The following ARHGEF3 variants were observed in gnomAD, a reference collection of about 807,000 sequenced individuals.
The protein encoded by ARHGEF3 is 59.8 kDA protein.
In ARHGEF3, 28 loss-of-function variants were observed where a neutral mutation model predicts 63.2. The observed-to-expected ratio is 0.44, with a 90% CI of 0.33 to 0.61. The LOEUF (loss-of-function observed/expected upper bound fraction) is 0.61, where lower values mean the gene tolerates loss of function less well. Ranked by LOEUF, ARHGEF3 falls within the 20% of genes least tolerant of loss-of-function variation. The probability of loss-of-function intolerance (pLI) is 0.03; values close to 1 mark genes in which losing one functional copy is unlikely to be tolerated. For synonymous variants in ARHGEF3, 266 were observed against 254.2 expected (o/e 1.05, Z -0.44); for missense variants, 533 against 659.3 (o/e 0.81, Z 2.10).
chr3:56,790,793 C>T (rs1020589328), intron 1 of ARHGEF3, among the ~76,000 whole-genome samples: 5 of 152,174 alleles, frequency 3.3e-5, no homozygotes, highest in Admixed American at 1.3e-4. Flanking sequence ...GCCATCTGGC[C>T]CAACTCCATC....
intron 2 of ARHGEF3, among the ~76,000 whole-genome samples, chr3:56,983,363 C>A (rs1309877342): frequency 6.6e-6 from 1 of 152,158 alleles, no homozygotes; most frequent in Non-Finnish European, 1.5e-5. Context: ...CTCCATCCCT[C>A]CCCACTGTGA....
At chr3:57,028,163 A>C (rs2107192661) in intron 2 of ARHGEF3, among the ~76,000 whole-genome samples, 1 of 150,260 alleles carries the variant, frequency 6.7e-6, no homozygotes, top group Non-Finnish European at 1.5e-5. Context: ...AACTAGAAAT[A>C]CCATTTGACC....
chr3:56,783,363 C>G (rs1229336048), intron 1 of ARHGEF3, among the ~76,000 whole-genome samples: 1 of 152,080 alleles, frequency 6.6e-6, no homozygotes, highest in Non-Finnish European at 1.5e-5. Flanking sequence ...GGGTAGGCGG[C>G]AAGCGAGATG....
intron 1 of ARHGEF3, among the ~76,000 whole-genome samples, chr3:57,041,165 T>A (rs949737209): frequency 2.6e-5 from 4 of 152,222 alleles, no homozygotes; most frequent in Non-Finnish European, 5.9e-5. Flanking sequence ...CTGTTCCTAG[T>A]TCTGATTGTA....
intron 7 of ARHGEF3, among the ~76,000 whole-genome samples, chr3:56,742,595 T>C (rs1420280799): frequency 1.3e-5 from 2 of 152,140 alleles, no homozygotes; most frequent in African/African-American, 2.4e-5. Flanking sequence ...CAAACATTCA[T>C]AATGCACCCA....
At chr3:57,064,562 G>A (rs1274749524) in intron 1 of ARHGEF3, among the ~76,000 whole-genome samples, 2 of 152,120 alleles carry the variant, frequency 1.3e-5, no homozygotes, top group East Asian at 1.9e-4. Flanking sequence ...CTCAACATCC[G>A]CCTCCTCGGT....
At chr3:56,886,881 G>A (rs950154) in intron 3 of ARHGEF3, among the ~76,000 whole-genome samples, 50,903 of 152,068 alleles carry the variant, frequency 0.33, 8,847 homozygotes, top group Non-Finnish European at 0.39. Flanking sequence ...TTCAAATCCA[G>A]GTCTTTCCTA....
chr3:56,891,124 G>C (rs565348686), intron 3 of ARHGEF3, among the ~76,000 whole-genome samples: 10 of 150,950 alleles, frequency 6.6e-5, no homozygotes, highest in Middle Eastern at 3.4e-3. Flanking sequence ...CCAGTCTGAA[G>C]CTCCAGAAGT....
chr3:57,078,427 CA>C lies in ARHGEF3; in HGVS notation c.-28+798del, dbSNP rs150163820. ...CTAAGAACAAGGCGCTCTGTTTCCG[CA>C]ACATTCAAGCCCGTGATGGGGCTGC... On this transcript the variant is annotated intron_variant, in intron 1 of 12. Coordinates refer to the ARHGEF3 transcript ENST00000338458. The C allele has an allele frequency of 4.6e-5, 7 of 152,370 alleles. No individual in the cohort carries two copies. In the East Asian group the frequency reaches 1.4e-3, roughly 29 times the overall value. The allele number at this position is 152,370 out of a possible 1,614,324, so 9.4% of individuals were successfully genotyped here. A position where few individuals can be genotyped will look rare whatever the true frequency, so the allele number is the denominator to read the frequency against.
intron 4 of ARHGEF3, among the ~76,000 whole-genome samples, chr3:56,862,413 G>A (rs2040107849): frequency 6.6e-6 from 1 of 152,144 alleles, no homozygotes; most frequent in African/African-American, 2.4e-5. Context: ...TAAACAAAAA[G>A]CTTTTATCAG....
At chr3:56,915,636 A>G (rs1233272147) in intron 3 of ARHGEF3, among the ~76,000 whole-genome samples, 1 of 152,182 alleles carries the variant, frequency 6.6e-6, no homozygotes, top group East Asian at 1.9e-4. Flanking sequence ...TCTTTCCAAA[A>G]TAACCCAAAC....
intron 1 of ARHGEF3, among the ~76,000 whole-genome samples, chr3:56,791,432 G>T (rs2037072854): frequency 6.6e-6 from 1 of 152,108 alleles, no homozygotes; most frequent in Admixed American, 6.5e-5. Context: ...AACAGAACAA[G>T]ACCCTATTTC....
intron 2 of ARHGEF3, among the ~76,000 whole-genome samples, chr3:56,992,926 T>C (rs1455917558): frequency 2.6e-5 from 4 of 152,156 alleles, no homozygotes; most frequent in African/African-American, 9.7e-5. Context: ...CTCTGCCGCC[T>C]GGGTTCAAGC....
At chr3:56,786,972 A>G (rs1328409396) in intron 1 of ARHGEF3, among the ~76,000 whole-genome samples, 2 of 152,124 alleles carry the variant, frequency 1.3e-5, no homozygotes, top group Non-Finnish European at 2.9e-5. Context: ...AAGTTTCCAG[A>G]AAAGACAAGG....
intron 3 of ARHGEF3, among the ~76,000 whole-genome samples, chr3:56,944,049 G>A (rs11710039): frequency 0.12 from 17,503 of 151,914 alleles, 1,239 homozygotes; most frequent in East Asian, 0.25. Context: ...GATGGCGGGC[G>A]CCTATAATCC....
chr3:56,853,161 A>T (rs908976849), intron 4 of ARHGEF3, among the ~76,000 whole-genome samples: 1 of 151,002 alleles, frequency 6.6e-6, no homozygotes, highest in Non-Finnish European at 1.5e-5. Context: ...TGGGGTACAG[A>T]GGTAACAGAA....
intron 2 of ARHGEF3, among the ~76,000 whole-genome samples, chr3:57,031,521 G>A (rs1372343903): frequency 2.0e-5 from 3 of 152,096 alleles, no homozygotes; most frequent in Non-Finnish European, 4.4e-5. Context: ...AGATTCATGG[G>A]TTTCCACTTA....
intron 4 of ARHGEF3, chr3:56,882,215 A>G (rs1457513538): frequency 2.1e-6 from 3 of 1,401,680 alleles, no homozygotes; most frequent in Non-Finnish European, 2.9e-6. Flanking sequence ...TCAAGCACAC[A>G]GCATATTATT....
chr3:56,928,231 T>C lies in ARHGEF3; in HGVS notation c.129+30592A>G, dbSNP rs556153525. Among the ~76,000 whole-genome samples, 198 of 152,322 alleles carry C rather than the reference T, an allele frequency of 1.3e-3. 1 individual carries two copies. The highest frequency in any genetic ancestry group is 1.9e-3 in the Admixed American group (29 of 15,308). The stretch of plus-strand genomic sequence containing the variant: ...TCCCCCTTGTTGAGCATCTACTATA[T>C]ACCAGGCACCATGTTGAGTGTCCTG... On this transcript the variant is annotated intron_variant, in intron 3 of 12. Transcript: ENST00000338458.
Sources: gnomAD v4.1 joint callset for allele counts (sites outside exome capture counted in the v4.1 genomes callset) on GRCh38, gnomAD v4.1.1 for gene constraint, MANE v1.5 for transcripts, NCBI Gene and HGNC (gene_info 2026-07-23, HGNC 2026-07-21) for gene names.